ACOXL: variants seen among roughly 807,000 people sequenced by gnomAD.
The protein encoded by ACOXL is acyl-coenzyme A oxidase-like protein.
In ACOXL, 70 loss-of-function variants were observed where a neutral mutation model predicts 71.9. The observed-to-expected ratio is 0.97, with a 90% confidence interval of 0.80 to 1.19. The LOEUF is 1.19. ACOXL is among the 50% of genes most tolerant of loss of function. ACOXL has a pLI of 0.00. For missense variants in ACOXL, 703 were observed against 736.3 expected (o/e 0.95, Z 0.52); for synonymous variants, 253 against 281.6 (o/e 0.90, Z 1.02).
At chr2:110,968,070 C>G in intron 12 of ACOXL, 2 of 1,190,276 alleles carry the variant, frequency 1.7e-6, no homozygotes, top group Non-Finnish European at 2.5e-6. Flanking sequence ...GCGCAGCATA[C>G]GCACACGAAC....
At chr2:110,795,264 T>C (rs1685153592) in intron 5 of ACOXL, among the ~76,000 whole-genome samples, 1 of 152,224 alleles carries the variant, frequency 6.6e-6, no homozygotes, top group South Asian at 2.1e-4. Context: ...GAATGACAGA[T>C]GCAGGGGCGG....
intron 10 of ACOXL, among the ~76,000 whole-genome samples, chr2:110,902,330 C>G (rs1052781787): frequency 1.3e-5 from 2 of 151,626 alleles, no homozygotes; most frequent in African/African-American, 2.4e-5. Flanking sequence ...ATTAGTCAGG[C>G]GTGGTGGTGC....
chr2:111,090,953 G>A (rs2068488176), intron 16 of ACOXL, among the ~76,000 whole-genome samples: 1 of 152,190 alleles, frequency 6.6e-6, no homozygotes, highest in South Asian at 2.1e-4. Flanking sequence ...AGCTAGAGCA[G>A]TGGTTTGGAG....
intron 1 of ACOXL, among the ~76,000 whole-genome samples, chr2:110,749,264 G>A (rs1351109557): frequency 6.6e-6 from 1 of 152,146 alleles, no homozygotes; most frequent in Non-Finnish European, 1.5e-5. Flanking sequence ...AGGTCATTTT[G>A]TTGTTTGTGT....
chr2:111,020,003 G>C (rs1269115847), intron 14 of ACOXL, among the ~76,000 whole-genome samples: 5 of 152,124 alleles, frequency 3.3e-5, no homozygotes, highest in Non-Finnish European at 7.3e-5. Context: ...TGGGATTACA[G>C]GCACATGCCA....
intron 12 of ACOXL, among the ~76,000 whole-genome samples, chr2:110,960,061 A>G (rs960541145): frequency 1.3e-4 from 20 of 152,188 alleles, no homozygotes; most frequent in African/African-American, 4.8e-4. Context: ...TGTTTTAAAC[A>G]GAGAGGTAGG....
In ACOXL at chr2:111,022,044, C is replaced by T. The variant is rs539253076; in HGVS notation, c.1282-9583C>T. Among the ~76,000 whole-genome samples, 24 of 152,084 alleles carry T rather than the reference C, an allele frequency of 1.6e-4. No individual in the cohort carries two copies. In the East Asian group the frequency reaches 2.7e-3, roughly 17 times the overall value. On this transcript the variant is annotated intron_variant, in intron 14 of 17. Coordinates refer to ENST00000439055, the MANE Select transcript of ACOXL (RefSeq NM_001142807.4). Reference sequence around the variant, plus strand: ...TACAGAATAGAAAAAATTGTAAAGACGTAATACAGAAAGAAAAATATAGGA... The same window carrying T: ...TACAGAATAGAAAAAATTGTAAAGATGTAATACAGAAAGAAAAATATAGGA...
chr2:110,973,591 T>C (rs963945572), intron 12 of ACOXL, among the ~76,000 whole-genome samples: 1 of 152,186 alleles, frequency 6.6e-6, no homozygotes, highest in Non-Finnish European at 1.5e-5. Flanking sequence ...TCAATTTCTG[T>C]TGTTTATAAG....
chr2:110,833,668 T>A (rs1690114545), intron 9 of ACOXL, among the ~76,000 whole-genome samples: 1 of 152,212 alleles, frequency 6.6e-6, no homozygotes, highest in African/African-American at 2.4e-5. Flanking sequence ...AACAGCCTGA[T>A]TTAAAAAAAC....
At chr2:110,957,605 G>A (rs893143152) in intron 12 of ACOXL, among the ~76,000 whole-genome samples, 8 of 152,152 alleles carry the variant, frequency 5.3e-5, no homozygotes, top group African/African-American at 1.9e-4. Flanking sequence ...ACGTTCCTCT[G>A]TGTGTGTCTG....
At chr2:111,027,293 T>C (rs1190526661) in intron 14 of ACOXL, among the ~76,000 whole-genome samples, 1 of 151,760 alleles carries the variant, frequency 6.6e-6, no homozygotes, top group Non-Finnish European at 1.5e-5. Flanking sequence ...CATGGCAAAA[T>C]TTACTATTCT....
At chr2:110,829,627 G>C (rs1306433373) in intron 9 of ACOXL, among the ~76,000 whole-genome samples, 2 of 152,164 alleles carry the variant, frequency 1.3e-5, no homozygotes, top group Admixed American at 1.3e-4. Flanking sequence ...ACACTTCTGT[G>C]GTACTCTTGT....
rs571023393 is a variant in ACOXL, at chr2:110,821,968, AGTGTGTGCGTGCGT to A, written c.753+16580_753+16593del. ...GTGTGTGCATGTGAGTGTGTGTGTGAGTGTGTGCGTGCGTGTGTGTATGTGCATGTATACATGCG... is the reference window on the plus strand; with the variant it reads ...GTGTGTGCATGTGAGTGTGTGTGTGAGTGTGTATGTGCATGTATACATGCG... On this transcript the variant is annotated intron_variant, in intron 9 of 17. Coordinates refer to ENST00000439055, the MANE Select transcript of ACOXL (RefSeq NM_001142807.4). Among the ~76,000 whole-genome samples, 73 of 150,784 alleles carry A rather than the reference AGTGTGTGCGTGCGT, an allele frequency of 4.8e-4. No homozygotes were observed. The Middle Eastern group carries it at 0.027, about 57-fold the overall frequency.
intron 10 of ACOXL, among the ~76,000 whole-genome samples, chr2:110,842,022 C>T (rs1293360904): frequency 1.3e-5 from 2 of 152,168 alleles, no homozygotes; most frequent in African/African-American, 4.8e-5. Context: ...CCTGTCCTTA[C>T]AAAAACTGTG....
At chr2:110,770,401 A>G (rs1466663228) in intron 2 of ACOXL, among the ~76,000 whole-genome samples, 1 of 152,310 alleles carries the variant, frequency 6.6e-6, no homozygotes, top group Non-Finnish European at 1.5e-5. Flanking sequence ...GAGTCTTCTC[A>G]GGAAGGAATT....
At chr2:111,115,411 T>TTTG (rs2070278043) in intron 17 of ACOXL, 1 of 152,250 alleles carries the variant, frequency 6.6e-6, no homozygotes, top group South Asian at 2.1e-4. Context: ...TTTAAAAATT[T>TTTG]TTAAAACGCC....
At chr2:110,855,751 G>C (rs1419458157) in intron 10 of ACOXL, among the ~76,000 whole-genome samples, 1 of 152,196 alleles carries the variant, frequency 6.6e-6, no homozygotes, top group Non-Finnish European at 1.5e-5. Context: ...CTGCTGGTGG[G>C]TTTGTGGTCT....
At chr2:110,900,475 G>A (rs897232384) in intron 10 of ACOXL, among the ~76,000 whole-genome samples, 8 of 152,170 alleles carry the variant, frequency 5.3e-5, no homozygotes, top group African/African-American at 1.9e-4. Context: ...ATCAGCCCCA[G>A]TTAATGGTTG....
chr2:110,980,641 G>A (rs1208624272), intron 12 of ACOXL, among the ~76,000 whole-genome samples: 6 of 152,132 alleles, frequency 3.9e-5, no homozygotes, highest in African/African-American at 1.4e-4. Flanking sequence ...GAGTCTCCAC[G>A]CTGGGCTCCA....
Sources: gnomAD v4.1 joint callset for allele counts (sites outside exome capture counted in the v4.1 genomes callset) on GRCh38, gnomAD v4.1.1 for gene constraint, MANE v1.5 for transcripts, NCBI Gene and HGNC (gene_info 2026-07-23, HGNC 2026-07-21) for gene names.